The following YARS1 variants were observed in gnomAD, a reference collection of about 807,000 sequenced individuals.
The protein encoded by YARS1 is tyrosine--tRNA ligase, cytoplasmic.
YARS1 carries 36 observed loss-of-function variants against 62.2 expected under a neutral mutation model. The observed-to-expected ratio is 0.58, with a 90% CI of 0.44 to 0.76. The LOEUF is 0.76. Among genes scored for constraint, YARS1 ranks in the 30% least tolerant of loss-of-function variants. The probability of loss-of-function intolerance (pLI) is 0.00; values close to 1 mark genes in which losing one functional copy is unlikely to be tolerated. For missense variants in YARS1, 524 were observed against 639.8 expected (o/e 0.82, Z 1.95); for synonymous variants, 234 against 244.9 (o/e 0.96, Z 0.42).
At chr1:32,794,035 T>A (rs111980731) in intron 5 of YARS1, among the ~76,000 whole-genome samples, 138 of 152,160 alleles carry the variant, frequency 9.1e-4, no homozygotes, top group African/African-American at 3.3e-3. Flanking sequence ...TAGGGGTAGA[T>A]ATAGATGAAA....
rs1356219634 is a variant in YARS1 at position 32,780,143 on chromosome 1, G to A, written c.1276C>T (p.Leu426=). ...QDRLVVVLCN[L]KPQKMRGVES... ...ACTCCTCTCATCTTCTGGGGTTTCAGGTTGCACAGCACCACTACCAGCCTG... is the reference window on the plus strand; with the variant it reads ...ACTCCTCTCATCTTCTGGGGTTTCAAGTTGCACAGCACCACTACCAGCCTG... The change falls in exon 11 of 13, where the codon CTG becomes TTG. Residue 426 remains leucine (L), a synonymous_variant. Transcript: ENST00000373477. The A allele has an allele frequency of 6.2e-7, 1 of 1,614,080 alleles. No homozygotes were observed. The highest frequency in any genetic ancestry group is 1.6e-4 in the Middle Eastern group (1 of 6,062).
intron 2 of YARS1, 39 bp downstream of exon 2, chr1:32,810,872 T>C (rs753089101): frequency 1.9e-6 from 3 of 1,614,028 alleles, no homozygotes; most frequent in African/African-American, 2.7e-5. Context: ...TGGGTCTCCC[T>C]TGGGTCATTC....
rs1217293329 is a variant in YARS1 at position 32,791,235 on chromosome 1, T to C, written c.611A>G (p.Tyr204Cys). ...FAEKYLPALG[Y>C]SKRVHLMNPM... The stretch of plus-strand genomic sequence containing the variant: ...ATTCATCAGATGGACCCGTTTTGAA[T>C]AGCCAAGTGCAGGGAGGTACTGAGA... Residue 204 changes from tyrosine (Y) to cysteine (C), a missense_variant, in exon 6 of 13, where the codon TAT becomes TGT. Physicochemically the swap from Tyr to Cys is radical, Grantham distance 194. Transcript: ENST00000373477. 2.5e-6 allele frequency: 4 copies of C among 1,613,974 alleles called. No homozygotes were observed. The African/African-American group carries it at 4.0e-5, about 16-fold the overall frequency.
At chr1:32,817,122 G>A in intron 1 of YARS1, 66 bp downstream of exon 1, 6 of 1,598,620 alleles carry the variant, frequency 3.8e-6, no homozygotes, top group Non-Finnish European at 5.1e-6. Flanking sequence ...CCCGTAATGG[G>A]GCTCAAAATC....
chr1:32,791,586 A>G (rs930355274), intron 5 of YARS1, among the ~76,000 whole-genome samples: 14 of 152,050 alleles, frequency 9.2e-5, no homozygotes, highest in South Asian at 2.1e-4. Context: ...TGGATCACCT[A>G]AGGTTAGGAG....
chr1:32,804,031 A>G (rs1638376864), intron 4 of YARS1, among the ~76,000 whole-genome samples: 1 of 152,184 alleles, frequency 6.6e-6, no homozygotes, highest in African/African-American at 2.4e-5. Flanking sequence ...GACACAGCAC[A>G]TGTTTCAGAG....
intron 3 of YARS1, 112 bp from the exon 4 acceptor site, chr1:32,806,723 T>C: frequency 6.9e-7 from 1 of 1,449,264 alleles, no homozygotes; most frequent in South Asian, 1.2e-5. Flanking sequence ...ACCAGGGATC[T>C]CGGTTTTAAA....
intron 4 of YARS1, among the ~76,000 whole-genome samples, chr1:32,801,505 T>G (rs1282161726): frequency 6.6e-6 from 1 of 152,214 alleles, no homozygotes; most frequent in Non-Finnish European, 1.5e-5. Context: ...TGGAGGGTCT[T>G]GCCTCCATGT....
intron 8 of YARS1, among the ~76,000 whole-genome samples, chr1:32,784,158 T>C (rs1204680420): frequency 1.3e-5 from 2 of 151,506 alleles, no homozygotes; most frequent in African/African-American, 4.8e-5. Flanking sequence ...GCATGCGCCA[T>C]CATGGCTGGC....
chr1:32,780,684 G>A (rs1164339754), intron 10 of YARS1: 1 of 414,424 alleles, frequency 2.4e-6, no homozygotes, highest in African/African-American at 2.0e-5. Context: ...CTGGGAAAAA[G>A]GAAGTCTTCC....
chr1:32,807,054 A>C (rs1232851252), intron 3 of YARS1, among the ~76,000 whole-genome samples: 1 of 152,230 alleles, frequency 6.6e-6, no homozygotes, highest in Non-Finnish European at 1.5e-5. Context: ...TGGAACGATT[A>C]GTCCATCACC....
At chr1:32,795,002 CAAAAAAAAAAAAAAAAAA>C (rs71278770) in intron 5 of YARS1, among the ~76,000 whole-genome samples, 1 of 22,888 alleles carries the variant, frequency 4.4e-5, no homozygotes, top group East Asian at 1.7e-3. Flanking sequence ...GACTCTGTCT[CAAAAAAAAAAAAAAAAAA>C]AAAAAAAAGA....
intron 2 of YARS1, 31 bp downstream of exon 2, chr1:32,810,880 T>C (rs1638569425): frequency 1.2e-6 from 2 of 1,614,138 alleles, no homozygotes; most frequent in Non-Finnish European, 8.5e-7. Context: ...CCTTGGGTCA[T>C]TCCCCAAGGG....
chr1:32,789,246 A>G (rs1653335427), intron 6 of YARS1, among the ~76,000 whole-genome samples: 2 of 152,348 alleles, frequency 1.3e-5, no homozygotes, highest in East Asian at 1.9e-4. Context: ...TACATTGGAC[A>G]TCTTTGCAGT....
intron 5 of YARS1, among the ~76,000 whole-genome samples, chr1:32,795,632 C>T (rs1653557292): frequency 1.3e-5 from 2 of 151,342 alleles, no homozygotes; most frequent in Non-Finnish European, 2.9e-5. Context: ...ATGGTGAAAC[C>T]CTGTCTCTAC....
intron 4 of YARS1, among the ~76,000 whole-genome samples, chr1:32,804,743 C>A (rs984677822): frequency 3.8e-4 from 57 of 151,574 alleles, no homozygotes; most frequent in African/African-American, 1.3e-3. Flanking sequence ...CTCCTCACTT[C>A]CAAGACTGGG....
rs551192261 is a variant in YARS1 at position 32,808,786 on chromosome 1, G to A, written c.380+1805C>T. Among the ~76,000 whole-genome samples, 23 of 152,194 alleles carry A rather than the reference G, an allele frequency of 1.5e-4. No individual in the cohort carries two copies. The South Asian group carries it at 4.8e-3, about 32-fold the overall frequency. ...CAACTCATTCAAATTGAAACCCCCC[G>A]CTTCCTGAAAACTTTCGCTACCCTG... is the stretch of plus-strand genomic sequence containing the variant. On this transcript the variant is annotated intron_variant, in intron 3 of 12. Coordinates refer to ENST00000373477, the MANE Select transcript of YARS1 (RefSeq NM_003680.4).
Position 32,816,701 on chromosome 1 carries a change from AG to A in YARS1, c.57+486del, listed in dbSNP as rs374446106. 3.8e-3 allele frequency: 628 copies of A among 163,836 alleles called. 2 individuals carry two copies. Among genetic ancestry groups the A allele is most frequent in the African/African-American group, 5.9e-3 (244 of 41,636 alleles). The allele number at this position is 163,836 out of a possible 1,614,324, so 10.1% of individuals were successfully genotyped here. A position where few individuals can be genotyped will look rare whatever the true frequency, so the allele number is the denominator to read the frequency against. On this transcript the variant is annotated intron_variant, in intron 1 of 12. Coordinates refer to ENST00000373477, the MANE Select transcript of YARS1 (RefSeq NM_003680.4). ...TAACAAACGGAACATTTGTGGAGTG[AG>A]GGGGGGGGATCCATTTCCTTCAAGG...
intron 5 of YARS1, among the ~76,000 whole-genome samples, chr1:32,796,654 T>C (rs550035095): frequency 3.0e-4 from 45 of 151,900 alleles, no homozygotes; most frequent in African/African-American, 1.0e-3. Context: ...TGAGCCACAG[T>C]GCCTGGCCCT....
Sources: gnomAD v4.1 joint callset for allele counts (sites outside exome capture counted in the v4.1 genomes callset) on GRCh38, gnomAD v4.1.1 for gene constraint, MANE v1.5 for transcripts, NCBI Gene and HGNC (gene_info 2026-07-23, HGNC 2026-07-21) for gene names.